Variants in NXPH1 observed in about 807,000 individuals in gnomAD.
NXPH1 encodes the protein neurexophilin-1.
A neutral mutation model predicts 23.7 loss-of-function variants in NXPH1; 5 were observed. The ratio of observed to expected loss-of-function variants is 0.21; its 90% confidence interval spans 0.11 to 0.44. The LOEUF (loss-of-function observed/expected upper bound fraction) is 0.44. Ranked by LOEUF, NXPH1 falls within the 20% of genes least tolerant of loss-of-function variation. The pLI is 0.99. For synonymous variants in NXPH1, 144 were observed against 122.2 expected (o/e 1.18, Z -1.18); for missense variants, 324 against 321.6 (o/e 1.01, Z -0.06).
At chr7:8,545,146 G>A (rs1392718554) in intron 2 of NXPH1, among the ~76,000 whole-genome samples, 1 of 151,520 alleles carries the variant, frequency 6.6e-6, no homozygotes, top group Non-Finnish European at 1.5e-5. Context: ...AATAAAGGAA[G>A]AGGAATATTA....
Position 8,751,436 on chromosome 7 carries a change from G to T in NXPH1, c.483G>T (p.Gly161=). 6.2e-7 allele frequency: 1 copy of T among 1,613,846 alleles called. No individual in the cohort carries two copies. Among genetic ancestry groups the T allele is most frequent in the Non-Finnish European group, 8.5e-7 (1 of 1,179,842 alleles). ...TCAGGCATAATTCAACTGGTCAAGG[G>T]AATGTATCTGTCAGCTTGGTACCCC... ...VYFRHNSTGQ[G]NVSVSLVPPT... The change falls in exon 3 of 3, where the codon GGG becomes GGT. Residue 161 remains glycine (G), a synonymous_variant. Coordinates refer to ENST00000405863, the MANE Select transcript of NXPH1 (RefSeq NM_152745.3). This position sits in a 1 kb window ranked among gnomAD's most constrained non-coding sequence, Gnocchi z 4.5.
At chr7:8,658,905 G>C (rs1820625754) in intron 2 of NXPH1, among the ~76,000 whole-genome samples, 1 of 152,056 alleles carries the variant, frequency 6.6e-6, no homozygotes, top group South Asian at 2.1e-4. Flanking sequence ...TGAATTATAT[G>C]CGCAAGATTT....
chr7:8,623,395 C>G (rs976359262), intron 2 of NXPH1, among the ~76,000 whole-genome samples: 8 of 152,068 alleles, frequency 5.3e-5, no homozygotes, highest in Non-Finnish European at 1.2e-4. Context: ...AATGGCATTT[C>G]AAGTAAACAA....
In NXPH1 at chr7:8,520,001, CATA is replaced by C. The variant is rs989840465; in HGVS notation, c.54+84237_54+84239del. ...TTCTAGTGTTTTTCACTATCTCCAT[CATA>C]ATGTTTATAAAAAATTATTTATATA... On this transcript the variant is annotated intron_variant, in intron 2 of 2. Transcript: ENST00000405863. 5.3e-5 allele frequency among the ~76,000 whole-genome samples: 8 copies of C among 152,084 alleles called. No homozygotes were observed. In the East Asian group the frequency reaches 1.4e-3, roughly 26 times the overall value.
chr7:8,656,873 A>G (rs1197174140), intron 2 of NXPH1, among the ~76,000 whole-genome samples: 4 of 152,182 alleles, frequency 2.6e-5, no homozygotes, highest in African/African-American at 9.7e-5. Context: ...TAATGTTTAA[A>G]CTGAGGATTG....
At chr7:8,684,183 G>A (rs1272897156) in intron 2 of NXPH1, among the ~76,000 whole-genome samples, 1 of 152,140 alleles carries the variant, frequency 6.6e-6, no homozygotes, top group Non-Finnish European at 1.5e-5. Flanking sequence ...GCCTTTTCAG[G>A]AAGAAACTTT....
At chr7:8,460,575 G>A (rs1161269106) in intron 2 of NXPH1, among the ~76,000 whole-genome samples, 1 of 152,148 alleles carries the variant, frequency 6.6e-6, no homozygotes, top group Non-Finnish European at 1.5e-5. Context: ...TCAATGAGAA[G>A]GCTATCTTTT....
At position 8,562,271 on chromosome 7, in the gene NXPH1, G is replaced by A. The variant is rs999572253; in HGVS notation, c.54+126504G>A. Among the ~76,000 whole-genome samples, 4 of 151,698 alleles carry A rather than the reference G, an allele frequency of 2.6e-5. No individual in the cohort carries two copies. The South Asian group carries it at 6.2e-4, about 24-fold the overall frequency. The stretch of plus-strand genomic sequence containing the variant: ...AGAAGAGGTTGGAACAGTTGGAAAG[G>A]CCAGATGGAAAATATTGATCCTCAA... On this transcript the variant is annotated intron_variant, in intron 2 of 2. Transcript: ENST00000405863.
intron 2 of NXPH1, among the ~76,000 whole-genome samples, chr7:8,719,679 C>A (rs1317537618): frequency 6.6e-6 from 1 of 152,156 alleles, no homozygotes; most frequent in East Asian, 1.9e-4. Flanking sequence ...AGCTGTCAGC[C>A]TGCAGCCTGG....
intron 2 of NXPH1, among the ~76,000 whole-genome samples, chr7:8,462,217 T>A (rs1326901375): frequency 6.6e-6 from 1 of 152,120 alleles, no homozygotes; most frequent in African/African-American, 2.4e-5. Flanking sequence ...CCCAGCTAAT[T>A]TTTGTATTTT....
At chr7:8,746,033 C>T (rs1284657570) in intron 2 of NXPH1, among the ~76,000 whole-genome samples, 1 of 152,200 alleles carries the variant, frequency 6.6e-6, no homozygotes, top group Admixed American at 6.5e-5. Flanking sequence ...GGTTGCATCA[C>T]ACTGTGATGG....
At chr7:8,519,937 A>G (rs1467653284) in intron 2 of NXPH1, among the ~76,000 whole-genome samples, 2 of 152,178 alleles carry the variant, frequency 1.3e-5, no homozygotes, top group African/African-American at 2.4e-5. Context: ...AAAACCTATC[A>G]TCTTAAAAAT....
In NXPH1 at chr7:8,612,222, C is replaced by CT. The variant is rs200847778; in HGVS notation, c.55-138778dup. Among the ~76,000 whole-genome samples the CT allele has an allele frequency of 6.1e-3, 905 of 148,848 alleles. 9 individuals carry two copies. Among genetic ancestry groups the CT allele is most frequent in the African/African-American group, 0.021 (850 of 40,546 alleles). The stretch of plus-strand genomic sequence containing the variant: ...TCTCCATCCCTCTTTCTTTTTCTTT[C>CT]TTTTTTTTACATTCTCCCCTTCCTT... On this transcript the variant is annotated intron_variant, in intron 2 of 2. Coordinates refer to ENST00000405863, the MANE Select transcript of NXPH1 (RefSeq NM_152745.3).
At chr7:8,473,883 T>C (rs1332215032) in intron 2 of NXPH1, among the ~76,000 whole-genome samples, 1 of 152,130 alleles carries the variant, frequency 6.6e-6, no homozygotes, top group Non-Finnish European at 1.5e-5. Context: ...GGGCAGGATG[T>C]CATTTCTCTT....
chr7:8,571,844 C>A (rs1363680024), intron 2 of NXPH1, among the ~76,000 whole-genome samples: 3 of 150,994 alleles, frequency 2.0e-5, no homozygotes, highest in Admixed American at 2.0e-4. Context: ...GTTAAGGAGT[C>A]CTAGTGATTC....
intron 2 of NXPH1, among the ~76,000 whole-genome samples, chr7:8,648,324 C>T (rs1820428983): frequency 6.6e-6 from 1 of 152,252 alleles, no homozygotes; most frequent in East Asian, 1.9e-4. Flanking sequence ...ACTACCTTTC[C>T]CAGCCTCTGG....
At chr7:8,696,747 A>G (rs1779526457) in intron 2 of NXPH1, among the ~76,000 whole-genome samples, 2 of 151,194 alleles carry the variant, frequency 1.3e-5, no homozygotes, top group African/African-American at 2.4e-5. Flanking sequence ...AGGCTGAGGC[A>G]GGAGAATGGC....
chr7:8,446,343 A>C (rs1187565805), intron 2 of NXPH1, among the ~76,000 whole-genome samples: 1 of 152,234 alleles, frequency 6.6e-6, no homozygotes, highest in African/African-American at 2.4e-5. Flanking sequence ...CTAAGTACAT[A>C]ATCAAAATTT....
At chr7:8,643,546 T>A (rs1350558840) in intron 2 of NXPH1, among the ~76,000 whole-genome samples, 1 of 152,138 alleles carries the variant, frequency 6.6e-6, no homozygotes, top group East Asian at 1.9e-4. Flanking sequence ...TTTATTTAAA[T>A]CTCACTTGTC....
Sources: gnomAD v4.1 joint callset for allele counts (sites outside exome capture counted in the v4.1 genomes callset) on GRCh38, gnomAD v4.1.1 for gene constraint, Gnocchi (gnomAD v3.1) non-coding constraint, MANE v1.5 for transcripts, NCBI Gene and HGNC (gene_info 2026-07-23, HGNC 2026-07-21) for gene names.